NF1: variants seen among roughly 807,000 people sequenced by gnomAD.
NF1 encodes the protein neurofibromin.
A neutral mutation model predicts 325.7 loss-of-function variants in NF1; 122 were observed. The observed-to-expected ratio is 0.37, with a 90% CI of 0.32 to 0.44. The LOEUF (loss-of-function observed/expected upper bound fraction) is 0.44. Among genes scored for constraint, NF1 ranks in the 20% least tolerant of loss-of-function variants. The probability of loss-of-function intolerance (pLI) is 1.00; values close to 1 mark genes in which losing one functional copy is unlikely to be tolerated. For missense variants in NF1, 2,140 were observed against 3,415.4 expected, an observed-to-expected ratio of 0.63 and a Z score of 9.31; for synonymous variants, 1,091 against 1,186.0, an observed-to-expected ratio of 0.92 and a Z score of 1.65.
intron 57 of NF1, 73 bp downstream of exon 57, chr17:31,360,776 C>G (rs2070379262): frequency 7.4e-6 from 10 of 1,347,804 alleles, no homozygotes; most frequent in Non-Finnish European, 1.1e-5. Context: ...CCCTTGTGAT[C>G]AGTTTATAGC....
intron 21 of NF1, 182 bp downstream of exon 21, chr17:31,229,647 A>G (rs2067078411): frequency 1.1e-6 from 1 of 934,606 alleles, no homozygotes; most frequent in African/African-American, 1.6e-5. Context: ...TCTGGTGTGT[A>G]TGTGTGCCTA....
intron 3 of NF1, among the ~76,000 whole-genome samples, chr17:31,160,150 C>G (rs1046784649): frequency 6.6e-6 from 1 of 152,158 alleles, no homozygotes; most frequent in African/African-American, 2.4e-5. Context: ...CAGTGGCACC[C>G]TCTCGGCTCA....
intron 35 of NF1, among the ~76,000 whole-genome samples, chr17:31,262,711 G>T (rs975034840): frequency 5.9e-5 from 9 of 152,072 alleles, no homozygotes; most frequent in African/African-American, 1.9e-4. Flanking sequence ...ATATATGAAA[G>T]AATGTATAAA....
intron 26 of NF1, 50 bp from the exon 27 acceptor site, chr17:31,232,952 T>C (rs768401084): frequency 1.2e-6 from 2 of 1,613,612 alleles, no homozygotes; most frequent in Non-Finnish European, 1.7e-6. Context: ...AAGCAAAAAT[T>C]ACTTCAGCAA....
At chr17:31,289,449 T>A (rs1436174198) in intron 36 of NF1, among the ~76,000 whole-genome samples, 2 of 152,194 alleles carry the variant, frequency 1.3e-5, no homozygotes, top group Non-Finnish European at 2.9e-5. Flanking sequence ...AGACAAACAT[T>A]TCAGTAGTTC....
intron 45 of NF1, among the ~76,000 whole-genome samples, 160 bp downstream of exon 45, chr17:31,338,299 C>A (rs1468176716): frequency 3.9e-5 from 6 of 152,086 alleles, no homozygotes; most frequent in Admixed American, 2.6e-4. Flanking sequence ...TATTGTAATT[C>A]TTTGAAGAAG....
chr17:31,145,109 C>T (rs1480229572), intron 1 of NF1, among the ~76,000 whole-genome samples: 1 of 152,192 alleles, frequency 6.6e-6, no homozygotes, highest in African/African-American at 2.4e-5. Flanking sequence ...TTTGAACATG[C>T]CACACCCAAC....
intron 47 of NF1, among the ~76,000 whole-genome samples, chr17:31,341,749 ATTAC>A (rs577839525): frequency 4.6e-5 from 7 of 151,948 alleles, no homozygotes; most frequent in South Asian, 2.1e-4. Flanking sequence ...ACATGGGCAA[ATTAC>A]TTCTTAGTTC....
chr17:31,349,295 T>C, intron 49 of NF1, 44 bp downstream of exon 49: 1 of 1,594,790 alleles, frequency 6.3e-7, no homozygotes, highest in Non-Finnish European at 8.5e-7. Context: ...TACATCTATA[T>C]ATAAGGATCA....
chr17:31,338,543 C>T (rs945890433), intron 45 of NF1, among the ~76,000 whole-genome samples, 161 bp from the exon 46 acceptor site: 1 of 151,960 alleles, frequency 6.6e-6, no homozygotes, highest in African/African-American at 2.4e-5. Context: ...AATAAGAAAA[C>T]AAATGTACAT....
chr17:31,204,478 C>T (rs928621425), intron 11 of NF1, among the ~76,000 whole-genome samples: 4 of 152,060 alleles, frequency 2.6e-5, no homozygotes, highest in African/African-American at 9.7e-5. Flanking sequence ...AGGAAGGGCA[C>T]ATTTAGTAAC....
At chr17:31,359,122 T>A in intron 56 of NF1, 107 bp downstream of exon 56, 1 of 943,862 alleles carries the variant, frequency 1.1e-6, no homozygotes, top group East Asian at 2.5e-5. Context: ...GAAAAATAAT[T>A]CACAATAAAC....
chr17:31,334,553 T>C (rs1801020099), intron 39 of NF1: 1 of 381,472 alleles, frequency 2.6e-6, no homozygotes, highest in African/African-American at 2.1e-5. Flanking sequence ...CACATTTCCT[T>C]TTATAATGAG....
chr17:31,221,670 T>C (rs527945074), intron 14 of NF1, among the ~76,000 whole-genome samples, 180 bp from the exon 15 acceptor site: 1 of 152,298 alleles, frequency 6.6e-6, no homozygotes, highest in South Asian at 2.1e-4. Context: ...CTGTCTGTAT[T>C]ATTCCCTAGA....
intron 29 of NF1, among the ~76,000 whole-genome samples, chr17:31,247,838 A>C (rs969462052): frequency 2.0e-5 from 3 of 152,236 alleles, no homozygotes; most frequent in African/African-American, 7.2e-5. Context: ...AACATGGATA[A>C]ATCTCAGAAA....
chr17:31,319,158 T>C, intron 36 of NF1: 1 of 895,852 alleles, frequency 1.1e-6, no homozygotes, highest in Non-Finnish European at 1.7e-6. Context: ...CTACCCTGAA[T>C]TCCTTCTCAA....
chr17:31,230,706 C>T, intron 23 of NF1, 136 bp from the exon 24 acceptor site: 2 of 741,486 alleles, frequency 2.7e-6, no homozygotes, highest in Admixed American at 2.1e-5. Context: ...ATAGCAGTAT[C>T]TCTTTTATAA....
At chr17:31,100,234 G>A (rs1483336188) in intron 1 of NF1, among the ~76,000 whole-genome samples, 1 of 152,174 alleles carries the variant, frequency 6.6e-6, no homozygotes, top group Non-Finnish European at 1.5e-5. Flanking sequence ...AATGTACGTT[G>A]AATATGCGGT....
At chr17:31,337,278 C>A in intron 42 of NF1, 90 bp from the exon 43 acceptor site, 1 of 1,085,124 alleles carries the variant, frequency 9.2e-7, no homozygotes, top group East Asian at 2.6e-5. Context: ...ATATGGTATT[C>A]AAATTTTCTA....
Sources: allele counts gnomAD v4.1 joint callset (sites outside exome capture counted in the v4.1 genomes callset), GRCh38; gene constraint gnomAD v4.1.1; transcripts MANE v1.5; gene names NCBI Gene and HGNC (gene_info 2026-07-23, HGNC 2026-07-21).